GPR15LG: variants seen among roughly 807,000 people sequenced by gnomAD.
GPR15LG encodes protein GPR15LG.
chr10:84,181,359 G>A, the GPR15LG span, among the ~76,000 whole-genome samples: 3 of 151,842 alleles, frequency 2.0e-5, no homozygotes, highest in South Asian at 4.1e-4. Context: ...TTACAGGCGT[G>A]AGCCACCATG....
chr10:84,184,974 C>A, the GPR15LG span: 2 of 1,409,218 alleles, frequency 1.4e-6, no homozygotes, highest in South Asian at 1.5e-5. Flanking sequence ...TATCATGAGC[C>A]AACCTCACCC....
chr10:84,177,330 C>G, the GPR15LG span, among the ~76,000 whole-genome samples: 2 of 152,158 alleles, frequency 1.3e-5, no homozygotes, highest in African/African-American at 4.8e-5. Flanking sequence ...GTGGAAGGGT[C>G]AGGCTGCTGG....
the GPR15LG span, among the ~76,000 whole-genome samples, chr10:84,181,043 C>A: frequency 5.4e-5 from 8 of 146,922 alleles, no homozygotes; most frequent in Admixed American, 5.5e-4. Context: ...GCAGTACAGT[C>A]CAGCCTTGGC....
At chr10:84,181,250 T>TA in the GPR15LG span, among the ~76,000 whole-genome samples, 1 of 151,438 alleles carries the variant, frequency 6.6e-6, no homozygotes, top group African/African-American at 2.4e-5. Context: ...ATTTTTTTTT[T>TA]TTTTTTTAAG....
At chr10:84,180,622 G>C in the GPR15LG span, among the ~76,000 whole-genome samples, 1 of 151,350 alleles carries the variant, frequency 6.6e-6, no homozygotes. Flanking sequence ...CGGGCAGAGG[G>C]GCTCCTCACA....
At chr10:84,184,107 G>T in the GPR15LG span, among the ~76,000 whole-genome samples, 1 of 151,108 alleles carries the variant, frequency 6.6e-6, no homozygotes, top group East Asian at 2.0e-4. Context: ...ATAGCTTGAG[G>T]CCAGGAGTTC....
the GPR15LG span, among the ~76,000 whole-genome samples, chr10:84,183,868 A>G: frequency 6.6e-6 from 1 of 151,456 alleles, no homozygotes; most frequent in African/African-American, 2.4e-5. Flanking sequence ...CTGTTCTTGA[A>G]CCCCTGGGCT....
the GPR15LG span, chr10:84,176,396 C>T: frequency 1.0e-5 from 10 of 955,656 alleles, no homozygotes; most frequent in Non-Finnish European, 1.4e-5. Context: ...ATAAATATTC[C>T]TGAGCCCTGT....
At chr10:84,177,259 C>G in the GPR15LG span, among the ~76,000 whole-genome samples, 88 of 152,340 alleles carry the variant, frequency 5.8e-4, no homozygotes, top group African/African-American at 2.0e-3. Context: ...TGCGGGCACC[C>G]AGTTCCCTGC....
chr10:84,184,169 A>C, the GPR15LG span, among the ~76,000 whole-genome samples: 7 of 151,960 alleles, frequency 4.6e-5, no homozygotes, highest in African/African-American at 1.7e-4. Flanking sequence ...GAAAAAAAAA[A>C]AAAAAAACTA....
the GPR15LG span, among the ~76,000 whole-genome samples, chr10:84,174,555 G>A: frequency 4.9e-5 from 7 of 143,764 alleles, no homozygotes; most frequent in South Asian, 4.4e-4. Flanking sequence ...GTGCAGTGGC[G>A]CTATCTCAGC....
At chr10:84,178,529 C>A in the GPR15LG span, among the ~76,000 whole-genome samples, 1 of 151,826 alleles carries the variant, frequency 6.6e-6, no homozygotes, top group East Asian at 1.9e-4. Context: ...CAGACACACA[C>A]CACAATACAC....
the GPR15LG span, among the ~76,000 whole-genome samples, chr10:84,175,216 C>T: frequency 6.6e-6 from 1 of 152,110 alleles, no homozygotes; most frequent in African/African-American, 2.4e-5. Context: ...TGAAAATGTG[C>T]CACATATATA....
chr10:84,182,159 G>A, the GPR15LG span, among the ~76,000 whole-genome samples: 1 of 152,188 alleles, frequency 6.6e-6, no homozygotes, highest in Non-Finnish European at 1.5e-5. Context: ...TACCCGTTGA[G>A]GATATGAGGT....
chr10:84,180,914 G>A, the GPR15LG span, among the ~76,000 whole-genome samples: 38,997 of 152,190 alleles, frequency 0.26, 5,867 homozygotes, highest in African/African-American at 0.42. Flanking sequence ...GCGAAACCCC[G>A]TCTCCACCAA....
chr10:84,185,007 T>C, the GPR15LG span: 4 of 1,357,554 alleles, frequency 2.9e-6, no homozygotes, highest in East Asian at 1.2e-4. Context: ...GTCGCCACCA[T>C]GTGGGCCTCT....
chr10:84,176,531 G>A, the GPR15LG span: 1 of 1,614,000 alleles, frequency 6.2e-7, no homozygotes, highest in Non-Finnish European at 8.5e-7. Flanking sequence ...AGGCTCTGCT[G>A]CCACCGAGTC....
chr10:84,185,005 C>T, the GPR15LG span: 1 of 1,361,616 alleles, frequency 7.3e-7, no homozygotes, highest in Non-Finnish European at 9.4e-7. Context: ...CAGTCGCCAC[C>T]ATGTGGGCCT....
the GPR15LG span, among the ~76,000 whole-genome samples, chr10:84,178,384 GACACAT>G: frequency 6.7e-6 from 1 of 150,204 alleles, no homozygotes; most frequent in Non-Finnish European, 1.5e-5. Context: ...ACCAGACACA[GACACAT>G]ACACAAGTAC....
Sources: gnomAD v4.1 joint callset for allele counts (sites outside exome capture counted in the v4.1 genomes callset) on GRCh38, gnomAD v4.1.1 for gene constraint, MANE v1.5 for transcripts, NCBI Gene and HGNC (gene_info 2026-07-23, HGNC 2026-07-21) for gene names.